The following ANK2 variants were observed in gnomAD, a reference collection of about 807,000 sequenced individuals.
ANK2 encodes ankyrin 2.
ANK2 carries 83 observed loss-of-function variants against 360.5 expected under a neutral mutation model. That is an observed-to-expected ratio of 0.23 (90% confidence interval 0.19 to 0.28). The LOEUF (loss-of-function observed/expected upper bound fraction) is 0.28. ANK2 is among the 10% of genes least tolerant of loss of function. The probability of loss-of-function intolerance (pLI) is 1.00; values close to 1 mark genes in which losing one functional copy is unlikely to be tolerated. For synonymous variants in ANK2, 1,740 were observed against 1,759.5 expected, an observed-to-expected ratio of 0.99 and a Z score of 0.28; for missense variants, 4,201 against 4,795.7, an observed-to-expected ratio of 0.88 and a Z score of 3.66.
chr4:113,028,898 A>G (rs962323577), intron 2 of ANK2, among the ~76,000 whole-genome samples: 2 of 152,130 alleles, frequency 1.3e-5, no homozygotes, highest in African/African-American at 4.8e-5. Flanking sequence ...TGAACCCAAT[A>G]TACCCAGTCT....
chr4:113,293,899 A>G lies in ANK2; in HGVS notation c.2475+361A>G, dbSNP rs29337. Among the ~76,000 whole-genome samples the G allele has an allele frequency of 9.6e-3, 1,467 of 152,176 alleles. 16 individuals are homozygous for G. Among genetic ancestry groups the G allele is most frequent in the Middle Eastern group, 0.048 (14 of 294 alleles). ...CGGTAACACACTCCACTGCAAACTT[A>G]CCTTAGCCAGGAGGTCAGGCCAGCC... On this transcript the variant is annotated intron_variant, in intron 22 of 45. Transcript: ENST00000357077.
chr4:113,006,920 T>A lies in ANK2; in HGVS notation c.21+102406T>A, dbSNP rs114994681. Among the ~76,000 whole-genome samples, 1,180 of 152,246 alleles carry A rather than the reference T, an allele frequency of 7.8e-3. 16 individuals are homozygous for A. The highest frequency in any genetic ancestry group is 0.027 in the African/African-American group (1,129 of 41,550). On this transcript the variant is annotated intron_variant, in intron 2 of 30. Transcript: ENST00000503271. ...CTGACTGACACATTTCTCTGAAAAT[T>A]TTGTACTTTAAAAATTGTTAACAAT...
intron 2 of ANK2, among the ~76,000 whole-genome samples, chr4:113,019,441 A>G (rs1179936803): frequency 6.6e-6 from 1 of 152,148 alleles, no homozygotes; most frequent in Non-Finnish European, 1.5e-5. Flanking sequence ...GAAATAAATC[A>G]GGTATAATAA....
Position 113,355,230 on chromosome 4 carries a change from C to A in ANK2, c.6612C>A (p.Ser2204Arg). ...QSGALDGSSE[S>R]LKNEGVAGSP... ...GTGCTTTAGATGGCAGTTCTGAAAG[C>A]CTAAAGAATGAGGGGGTAGCCGGCT... Residue 2204 changes from serine (S) to arginine (R), a missense_variant, in exon 38 of 46, where the codon AGC becomes AGA. Around this residue, in one of 4 missense-constraint regions of ANK2, gnomAD observed 2,642 missense variants for 2,714.5 expected, o/e 0.97. Transcript: ENST00000357077. The A allele has an allele frequency of 6.2e-7, 1 of 1,614,070 alleles. No homozygotes were observed. The highest frequency in any genetic ancestry group is 1.1e-5 in the South Asian group (1 of 91,076).
intron 13 of ANK2, among the ~76,000 whole-genome samples, chr4:113,259,812 CT>C (rs772674741): frequency 2.4e-3 from 252 of 106,550 alleles, no homozygotes; most frequent in Non-Finnish European, 2.6e-3. Context: ...CTTTTTTTTT[CT>C]TTTTTTTTTT....
At chr4:113,162,931 T>C (rs956454571) in intron 1 of ANK2, among the ~76,000 whole-genome samples, 2 of 152,162 alleles carry the variant, frequency 1.3e-5, no homozygotes, top group African/African-American at 4.8e-5. Context: ...CAACTATTTA[T>C]CATAAAATAA....
chr4:112,722,121 T>C, the ANK2 span, among the ~76,000 whole-genome samples: 1 of 152,216 alleles, frequency 6.6e-6, no homozygotes, highest in African/African-American at 2.4e-5. Flanking sequence ...GCATTTGCTA[T>C]GTTCTAAATT....
At position 113,085,321 on chromosome 4, in the gene ANK2, C is replaced by CT. The variant is rs973607043; in HGVS notation, c.84+35519dup. Among the ~76,000 whole-genome samples, 615 of 148,452 alleles carry CT rather than the reference C, an allele frequency of 4.1e-3. 5 individuals are homozygous for CT. Among genetic ancestry groups the CT allele is most frequent in the African/African-American group, 0.014 (554 of 40,658 alleles). ...TATTAAGACTTTTTCTTTTCTTTTT[C>CT]TTTTTTTTTTGAGATGGAGTCTCAC... On this transcript the variant is annotated intron_variant, in intron 1 of 45. Coordinates refer to ENST00000357077, the MANE Select transcript of ANK2 (RefSeq NM_001148.6).
chr4:113,260,319 T>A (rs889663675), intron 13 of ANK2, among the ~76,000 whole-genome samples: 2 of 152,222 alleles, frequency 1.3e-5, no homozygotes, highest in Non-Finnish European at 2.9e-5. Flanking sequence ...AACAAACAAT[T>A]TTGACATATT....
At chr4:113,255,118 C>T (rs1250138697) in intron 10 of ANK2, among the ~76,000 whole-genome samples, 1 of 152,170 alleles carries the variant, frequency 6.6e-6, no homozygotes, top group African/African-American at 2.4e-5. Flanking sequence ...AGATTATCCT[C>T]AACTGTAAAA....
At chr4:113,361,321 G>T (rs2096208110) in intron 39 of ANK2, among the ~76,000 whole-genome samples, 1 of 152,006 alleles carries the variant, frequency 6.6e-6, no homozygotes, top group South Asian at 2.1e-4. Flanking sequence ...ATTGCTTTGG[G>T]TAAGTGTTAA....
At chr4:112,735,733 T>A in the ANK2 span, among the ~76,000 whole-genome samples, 2 of 152,216 alleles carry the variant, frequency 1.3e-5, no homozygotes, top group African/African-American at 4.8e-5. Flanking sequence ...CATTTCTAAG[T>A]GTACAGTTCA....
intron 2 of ANK2, among the ~76,000 whole-genome samples, chr4:112,961,534 A>G (rs2034836141): frequency 6.6e-6 from 1 of 152,174 alleles, no homozygotes; most frequent in African/African-American, 2.4e-5. Flanking sequence ...AATACCTTAG[A>G]TTAAAATATA....
intron 45 of ANK2, among the ~76,000 whole-genome samples, chr4:113,379,351 C>G (rs2097086564): frequency 6.6e-6 from 1 of 152,194 alleles, no homozygotes; most frequent in Admixed American, 6.5e-5. Context: ...ATAGACAACT[C>G]CATAGAGTTT....
Position 113,373,112 on chromosome 4 carries a change from C to A in ANK2, c.11633C>A (p.Pro3878His), listed in dbSNP as rs1422093581. ...TAGGGAGACGATATGCCTGAAATAC[C>A]CCCAGAAACAGTCACAGAAGAAGAA... ...FEKGDDMPEI[P>H]PETVTEEEYI... Residue 3878 changes from proline to histidine, a missense_variant, in exon 44 of 46, where the codon CCC becomes CAC. By Grantham distance (77) the Pro-to-His change is moderately conservative. Transcript: ENST00000357077. 6.2e-7 allele frequency: 1 copy of A among 1,614,002 alleles called. No individual in the cohort carries two copies. Among genetic ancestry groups the A allele is most frequent in the South Asian group, 1.1e-5 (1 of 91,078 alleles).
intron 18 of ANK2, among the ~76,000 whole-genome samples, chr4:113,283,749 T>A (rs2063310546): frequency 6.6e-6 from 1 of 152,234 alleles, no homozygotes; most frequent in Admixed American, 6.5e-5. Flanking sequence ...AGTTGGTCTG[T>A]CATTTGATGT....
At chr4:113,110,164 G>A (rs893925753) in intron 1 of ANK2, among the ~76,000 whole-genome samples, 3 of 152,186 alleles carry the variant, frequency 2.0e-5, no homozygotes, top group Non-Finnish European at 2.9e-5. Flanking sequence ...CATGGTGGAA[G>A]GCGAAGGAGG....
chr4:113,102,462 T>C (rs2093016511), intron 1 of ANK2, among the ~76,000 whole-genome samples: 1 of 151,954 alleles, frequency 6.6e-6, no homozygotes, highest in Non-Finnish European at 1.5e-5. Flanking sequence ...TATATGAGAT[T>C]TACCACCATG....
Position 113,365,668 on chromosome 4 carries a change from G to GT in ANK2, c.11032+497dup, listed in dbSNP as rs531215291. 2.4e-3 allele frequency among the ~76,000 whole-genome samples: 345 copies of GT among 144,334 alleles called. 1 individual carries two copies. Among genetic ancestry groups the GT allele is most frequent in the African/African-American group, 6.1e-3 (243 of 39,746 alleles). 94.7% of individuals were successfully genotyped at this position (144,334 alleles called of 152,430 possible). A position where few individuals can be genotyped will look rare whatever the true frequency, so the allele number is the denominator to read the frequency against. On this transcript the variant is annotated intron_variant, in intron 41 of 45. Transcript: ENST00000357077. The stretch of plus-strand genomic sequence containing the variant: ...TCATTCATTTGTGGTCTCTAACACT[G>GT]TTTTTTTTTTTCTCTCTCTCTCTTA...
Sources: gnomAD v4.1 joint callset for allele counts (sites outside exome capture counted in the v4.1 genomes callset) on GRCh38, gnomAD v4.1.1 for gene constraint, gnomAD v4.1.1 regional missense constraint, MANE v1.5 for transcripts, NCBI Gene and HGNC (gene_info 2026-07-23, HGNC 2026-07-21) for gene names.